ADGRA1: variants seen among roughly 807,000 people sequenced by gnomAD.
ADGRA1 encodes G-protein coupled receptor 123.
Under a neutral mutation model 21.3 loss-of-function variants are expected in ADGRA1, and 12 were observed. The ratio of observed to expected loss-of-function variants is 0.56; its 90% CI spans 0.36 to 0.91. ADGRA1 has a LOEUF of 0.91. Ranked by LOEUF, ADGRA1 falls within the 40% of genes least tolerant of loss-of-function variation. The probability of loss-of-function intolerance (pLI) is 0.01; values close to 1 mark genes in which losing one functional copy is unlikely to be tolerated. For missense variants in ADGRA1, 790 were observed against 805.6 expected (o/e 0.98, Z 0.23); for synonymous variants, 385 against 368.8 (o/e 1.04, Z -0.50).
At chr10:133,117,507 G>A (rs1451355831) in intron 5 of ADGRA1, among the ~76,000 whole-genome samples, 1 of 152,250 alleles carries the variant, frequency 6.6e-6, no homozygotes, top group Non-Finnish European at 1.5e-5. Flanking sequence ...CCGGGAGACT[G>A]CCTGGGCCAG....
chr10:133,122,592 T>C (rs536236213), intron 5 of ADGRA1, among the ~76,000 whole-genome samples: 1 of 152,374 alleles, frequency 6.6e-6, no homozygotes, highest in South Asian at 2.1e-4. Context: ...TTAATCATTT[T>C]TGAGTGTGCA....
At chr10:133,089,033 T>TCCGGGCTC in intron 2 of ADGRA1, 121 bp downstream of exon 2, 5 of 1,234,348 alleles carry the variant, frequency 4.1e-6, no homozygotes, top group Non-Finnish European at 5.1e-6. Flanking sequence ...TGACCGGGCT[T>TCCGGGCTC]CCGGGCTCAG....
At chr10:133,097,208 A>T in intron 3 of ADGRA1, 107 bp downstream of exon 3, 2 of 1,383,178 alleles carry the variant, frequency 1.4e-6, no homozygotes, top group Non-Finnish European at 2.0e-6. Flanking sequence ...TGTAGCAAGA[A>T]GTCCTTGAAG....
intron 4 of ADGRA1, chr10:133,102,423 G>A (rs1851812613): frequency 1.4e-5 from 8 of 588,810 alleles, no homozygotes; most frequent in South Asian, 7.6e-5. Context: ...CATGCAGAGG[G>A]GCGTGAGTGC....
chr10:133,090,483 A>C (rs1014838948), intron 2 of ADGRA1, among the ~76,000 whole-genome samples: 1 of 152,216 alleles, frequency 6.6e-6, no homozygotes, highest in Non-Finnish European at 1.5e-5. Flanking sequence ...AATCTCTGAA[A>C]GTGTGAGGAG....
chr10:133,095,803 C>A (rs778346974), intron 2 of ADGRA1: 4 of 1,596,182 alleles, frequency 2.5e-6, no homozygotes, highest in Non-Finnish European at 3.4e-6. Context: ...CTGCCCATGG[C>A]CCTTCCTGCA....
intron 5 of ADGRA1, among the ~76,000 whole-genome samples, chr10:133,111,171 C>G (rs1163232654): frequency 7.3e-6 from 1 of 137,498 alleles, no homozygotes; most frequent in Admixed American, 7.0e-5. Context: ...ACCACCTGCC[C>G]GCCGTGAGCA....
chr10:133,116,671 C>A (rs1447959903), intron 5 of ADGRA1, among the ~76,000 whole-genome samples: 1 of 152,024 alleles, frequency 6.6e-6, no homozygotes, highest in East Asian at 1.9e-4. Flanking sequence ...CCGAGGAGGG[C>A]CCCCCTTCCT....
chr10:133,100,199 C>T (rs535517633), intron 4 of ADGRA1, among the ~76,000 whole-genome samples: 1 of 152,346 alleles, frequency 6.6e-6, no homozygotes, highest in East Asian at 1.9e-4. Context: ...CCCAGCATGG[C>T]CCCGGCGGAG....
Position 133,102,783 on chromosome 10 carries a change from G to A in ADGRA1, c.342G>A (p.Lys114=), listed in dbSNP as rs750738892. The A allele has an allele frequency of 6.2e-7, 1 of 1,612,764 alleles. No homozygotes were observed. The highest frequency in any genetic ancestry group is 8.5e-7 in the Non-Finnish European group (1 of 1,179,878). ...GGAACATCTACAAGCAGGTGACCAA[G>A]AAGGCCCCTCTGTGCCTGGACACAG... ...TARNIYKQVT[K]KAPLCLDTDQ... Residue 114 remains lysine, a synonymous_variant, in exon 5 of 7, where the codon AAG becomes AAA. Coordinates refer to ENST00000392607, the MANE Select transcript of ADGRA1 (RefSeq NM_001083909.3).
At position 133,118,980 on chromosome 10, in the gene ADGRA1, CCA is replaced by C. The variant is rs906716494; in HGVS notation, c.402-8243_402-8242del. 5.5e-4 allele frequency among the ~76,000 whole-genome samples: 84 copies of C among 151,866 alleles called. 1 individual carries two copies. The highest frequency in any genetic ancestry group is 1.7e-3 in the African/African-American group (69 of 41,386). On this transcript the variant is annotated intron_variant, in intron 5 of 6. Coordinates refer to ENST00000392607, the MANE Select transcript of ADGRA1 (RefSeq NM_001083909.3). ...CATGCATTTACATCACACACACGCACCACACACACACTTGCACTGCACACGTG... is the reference window on the plus strand; with the variant it reads ...CATGCATTTACATCACACACACGCACCACACACACTTGCACTGCACACGTG...
intron 2 of ADGRA1, among the ~76,000 whole-genome samples, chr10:133,094,223 A>T (rs1427329621): frequency 1.3e-5 from 2 of 152,226 alleles, no homozygotes; most frequent in Admixed American, 6.5e-5. Context: ...CGCAGCCTGC[A>T]CCTTGCACTC....
intron 4 of ADGRA1, 49 bp downstream of exon 4, chr10:133,098,812 G>A (rs1851736236): frequency 2.5e-6 from 4 of 1,576,728 alleles, no homozygotes; most frequent in Non-Finnish European, 3.4e-6. Flanking sequence ...GGAACTGCGT[G>A]AGCGTCGTCT....
At chr10:133,126,784 CGG>C (rs1413086566) in intron 5 of ADGRA1, among the ~76,000 whole-genome samples, 1 of 152,168 alleles carries the variant, frequency 6.6e-6, no homozygotes, top group African/African-American at 2.4e-5. Flanking sequence ...TGAGGCTGAG[CGG>C]GGCCTTAAAA....
At chr10:133,116,058 C>T (rs1449990172) in intron 5 of ADGRA1, among the ~76,000 whole-genome samples, 7 of 149,252 alleles carry the variant, frequency 4.7e-5, no homozygotes, top group Non-Finnish European at 8.9e-5. Context: ...CACCTTCCAT[C>T]GGCTTCAGGC....
intron 2 of ADGRA1, 115 bp downstream of exon 2, chr10:133,089,027 C>T (rs1219524297): frequency 1.4e-5 from 17 of 1,234,150 alleles, no homozygotes; most frequent in East Asian, 6.3e-5. Flanking sequence ...AGCTGGTGAC[C>T]GGGCTTCCGG....
chr10:133,112,060 G>A (rs185585209), intron 5 of ADGRA1, among the ~76,000 whole-genome samples: 5 of 151,470 alleles, frequency 3.3e-5, no homozygotes, highest in Admixed American at 6.6e-5. Context: ...GCCTGCCATG[G>A]GCATCTCCCT....
intron 5 of ADGRA1, among the ~76,000 whole-genome samples, chr10:133,121,996 T>TGA (rs747675097): frequency 2.6e-5 from 4 of 151,864 alleles, no homozygotes; most frequent in Non-Finnish European, 5.9e-5. Context: ...CCTGTGTGTG[T>TGA]GATGGGTGCC....
intron 4 of ADGRA1, chr10:133,102,410 G>T: frequency 1.8e-6 from 1 of 563,940 alleles, no homozygotes; most frequent in East Asian, 4.1e-5. Flanking sequence ...ACAGCGGGTT[G>T]TGCATGCAGA....
Sources: gnomAD v4.1 joint callset for allele counts (sites outside exome capture counted in the v4.1 genomes callset) on GRCh38, gnomAD v4.1.1 for gene constraint, MANE v1.5 for transcripts, NCBI Gene and HGNC (gene_info 2026-07-23, HGNC 2026-07-21) for gene names.